ASTN1: variants seen among roughly 807,000 people sequenced by gnomAD.
The protein encoded by ASTN1 is astrotactin 1.
A neutral mutation model predicts 140.7 loss-of-function variants in ASTN1; 41 were observed. The ratio of observed to expected loss-of-function variants is 0.29; its 90% CI spans 0.23 to 0.38. The LOEUF is 0.38. Among genes scored for constraint, ASTN1 ranks in the 10% least tolerant of loss-of-function variants. The probability of loss-of-function intolerance (pLI) is 1.00; values close to 1 mark genes in which losing one functional copy is unlikely to be tolerated. For missense variants in ASTN1, 1,479 were observed against 1,678.8 expected (o/e 0.88, Z 2.08); for synonymous variants, 640 against 652.2 (o/e 0.98, Z 0.29).
At chr1:176,880,710 C>T (rs990931640) in intron 20 of ASTN1, among the ~76,000 whole-genome samples, 5 of 152,166 alleles carry the variant, frequency 3.3e-5, no homozygotes, top group African/African-American at 7.2e-5. Context: ...GCAGAGCCAG[C>T]GCTCTGCTTT....
In ASTN1 at chr1:177,048,586, G is replaced by A. The variant is rs571306897; in HGVS notation, c.471+12492C>T. Among the ~76,000 whole-genome samples, 4 of 152,266 alleles carry A rather than the reference G, an allele frequency of 2.6e-5. No homozygotes were observed. In the East Asian group the frequency reaches 7.8e-4, roughly 30 times the overall value. ...AGTCATTTTAGGGAGGAGGATAAAT[G>A]TCTCCTTCCGGGAGTATTCAAAGGC... On this transcript the variant is annotated intron_variant, in intron 2 of 22. Coordinates refer to ENST00000361833, the MANE Select transcript of ASTN1 (RefSeq NM_004319.3).
chr1:177,161,457 A>G (rs1389773511), intron 1 of ASTN1, among the ~76,000 whole-genome samples: 4 of 152,200 alleles, frequency 2.6e-5, no homozygotes, highest in East Asian at 1.9e-4. Context: ...TTCTGTTTTA[A>G]TCCATGCAAA....
At chr1:177,135,289 C>G (rs12133856) in intron 1 of ASTN1, among the ~76,000 whole-genome samples, 3 of 151,868 alleles carry the variant, frequency 2.0e-5, no homozygotes, top group Non-Finnish European at 4.4e-5. Context: ...ATATTTGATA[C>G]TAGATCCTAG....
chr1:176,895,030 C>T (rs1571471636), intron 16 of ASTN1, among the ~76,000 whole-genome samples, 200 bp from the exon 17 acceptor site: 1 of 152,306 alleles, frequency 6.6e-6, no homozygotes, highest in South Asian at 2.1e-4. Flanking sequence ...TGGCCCTTTT[C>T]AGTGAGAATC....
At chr1:177,107,108 C>T (rs1228818570) in intron 1 of ASTN1, among the ~76,000 whole-genome samples, 2 of 152,082 alleles carry the variant, frequency 1.3e-5, no homozygotes, top group Non-Finnish European at 2.9e-5. Context: ...GAAATTCGGT[C>T]CATGGACCAG....
intron 16 of ASTN1, 119 bp from the exon 17 acceptor site, chr1:176,894,949 G>T: frequency 7.3e-7 from 1 of 1,373,972 alleles, no homozygotes; most frequent in Non-Finnish European, 1.0e-6. Context: ...CACTGAAGGG[G>T]TAAGAATGTG....
At chr1:176,881,504 A>C (rs1294385464) in intron 20 of ASTN1, among the ~76,000 whole-genome samples, 1 of 152,210 alleles carries the variant, frequency 6.6e-6, no homozygotes, top group Non-Finnish European at 1.5e-5. Flanking sequence ...ATGATAGTTC[A>C]AGTTTCACTG....
At chr1:177,005,044 T>C (rs1396724548) in intron 8 of ASTN1, among the ~76,000 whole-genome samples, 1 of 151,974 alleles carries the variant, frequency 6.6e-6, no homozygotes, top group Non-Finnish European at 1.5e-5. Flanking sequence ...TAATCAAGAG[T>C]AAACAGACAA....
rs777755722 is a variant in ASTN1, at chr1:176,945,902, CAGT to C, written c.2249+21_2249+23del. On this transcript the variant is annotated intron_variant, in intron 13 of 22. Transcript: ENST00000361833. ...AAGTCCACCAACAGTCTTGAACAAT[CAGT>C]TCTATGTATATGAGGTTTACCTGAA... 41 of 1,563,660 alleles carry C rather than the reference CAGT, an allele frequency of 2.6e-5. No individual in the cohort carries two copies. The Admixed American group carries it at 4.5e-4, about 17-fold the overall frequency.
At position 176,975,747 on chromosome 1, in the gene ASTN1, T is replaced by A. The variant is rs56364218; in HGVS notation, c.1524-10510A>T. Among the ~76,000 whole-genome samples, 1,389 of 152,344 alleles carry A rather than the reference T, an allele frequency of 9.1e-3. 35 individuals carry two copies. The highest frequency in any genetic ancestry group is 0.032 in the African/African-American group (1,321 of 41,570). Reference sequence around the variant, plus strand: ...AAGCAGAATTGTTCTCAAACTTTGGTACATCAGATTCACCCAACATATGGG... The same window carrying A: ...AAGCAGAATTGTTCTCAAACTTTGGAACATCAGATTCACCCAACATATGGG... On this transcript the variant is annotated intron_variant, in intron 8 of 22. Coordinates refer to ENST00000361833, the MANE Select transcript of ASTN1 (RefSeq NM_004319.3).
chr1:177,090,064 C>T (rs912063512), intron 1 of ASTN1, among the ~76,000 whole-genome samples: 3 of 151,894 alleles, frequency 2.0e-5, no homozygotes, highest in African/African-American at 7.3e-5. Flanking sequence ...TCATCAATAC[C>T]ATACAAAATA....
At chr1:176,884,538 C>G (rs1557934253) in intron 18 of ASTN1, 48 bp from the exon 19 acceptor site, 1 of 1,558,036 alleles carries the variant, frequency 6.4e-7, no homozygotes, top group South Asian at 1.2e-5. Flanking sequence ...AACTGTGACT[C>G]ACTTTGGGCA....
intron 1 of ASTN1, among the ~76,000 whole-genome samples, chr1:177,157,171 T>C (rs2102259295): frequency 6.6e-6 from 1 of 152,324 alleles, no homozygotes; most frequent in South Asian, 2.1e-4. Context: ...ACCTTGGTTC[T>C]TCAATTGTAA....
chr1:176,942,085 T>C (rs778753770), intron 14 of ASTN1, among the ~76,000 whole-genome samples: 1 of 152,248 alleles, frequency 6.6e-6, no homozygotes, highest in Non-Finnish European at 1.5e-5. Flanking sequence ...TTGCTCTTTC[T>C]TTTCTATAAG....
At chr1:177,010,227 A>C (rs1675224978) in intron 8 of ASTN1, among the ~76,000 whole-genome samples, 1 of 152,158 alleles carries the variant, frequency 6.6e-6, no homozygotes, top group South Asian at 2.1e-4. Flanking sequence ...AACAAATATC[A>C]AACACAGACT....
chr1:177,057,566 G>A (rs990606861), intron 2 of ASTN1, among the ~76,000 whole-genome samples: 1 of 152,110 alleles, frequency 6.6e-6, no homozygotes, highest in Non-Finnish European at 1.5e-5. Context: ...ATTGGAAATA[G>A]TTAGGATTAT....
chr1:176,875,139 A>G (rs1668508531), intron 21 of ASTN1, among the ~76,000 whole-genome samples: 1 of 152,190 alleles, frequency 6.6e-6, no homozygotes. Context: ...TGAGGAAGGA[A>G]CACTTGATCT....
chr1:177,013,640 G>A (rs752241577), intron 8 of ASTN1, among the ~76,000 whole-genome samples: 3 of 152,284 alleles, frequency 2.0e-5, no homozygotes, highest in Non-Finnish European at 2.9e-5. Context: ...CCTCCATGGC[G>A]ATGTCTGAAA....
At chr1:176,995,913 G>C (rs1057045099) in intron 8 of ASTN1, among the ~76,000 whole-genome samples, 1 of 152,144 alleles carries the variant, frequency 6.6e-6, no homozygotes. Flanking sequence ...AAGGGCAAAT[G>C]TTGCAGTGAT....
Sources: allele counts gnomAD v4.1 joint callset (sites outside exome capture counted in the v4.1 genomes callset), GRCh38; gene constraint gnomAD v4.1.1; transcripts MANE v1.5; gene names NCBI Gene and HGNC (gene_info 2026-07-23, HGNC 2026-07-21).